The following RIBC2 variants were observed in gnomAD, a reference collection of about 807,000 sequenced individuals.
The protein encoded by RIBC2 is RIB43A domain with coiled-coils 2, also known as RIB43A-like with coiled-coils protein 2.
RIBC2 carries 40 observed loss-of-function variants against 44.3 expected under a neutral mutation model. That is an observed-to-expected ratio of 0.90 (90% CI 0.70 to 1.18). The LOEUF (loss-of-function observed/expected upper bound fraction) is 1.18. Ranked by LOEUF, RIBC2 falls within the 50% of genes most tolerant of loss-of-function variation. The pLI is 0.00. For missense variants in RIBC2, 459 were observed against 485.5 expected (o/e 0.95, Z 0.51); for synonymous variants, 171 against 175.0 (o/e 0.98, Z 0.18).
chr22:45,428,586 G>A lies in RIBC2; in HGVS notation c.904-2314G>A, dbSNP rs556365335. On this transcript the variant is annotated intron_variant, in intron 5 of 6. Transcript: ENST00000614167. ...GAGTCACGGGAAGGGGCATCAGGGC[G>A]GGAGCTTGCGGGTGAACAGAATTGA... is the stretch of plus-strand genomic sequence containing the variant. Among the ~76,000 whole-genome samples the A allele has an allele frequency of 5.9e-5, 9 of 152,278 alleles. No individual in the cohort carries two copies. In the East Asian group the frequency reaches 1.2e-3, roughly 20 times the overall value.
intron 1 of RIBC2, 138 bp downstream of exon 1, chr22:45,414,153 G>T: frequency 6.1e-6 from 9 of 1,479,236 alleles, no homozygotes; most frequent in Non-Finnish European, 7.2e-6. Context: ...GGCCAATAAT[G>T]CTCCCTCTCG....
At chr22:45,425,794 C>A (rs1213728299) in intron 4 of RIBC2, among the ~76,000 whole-genome samples, 154 bp from the exon 5 acceptor site, 4 of 152,146 alleles carry the variant, frequency 2.6e-5, no homozygotes, top group Admixed American at 2.6e-4. Context: ...AGGACCCACC[C>A]ACATCCGTGC....
Position 45,413,961 on chromosome 22 carries a change from C to A in RIBC2, c.75C>A (p.His25Gln). 3 of 1,551,668 alleles carry A rather than the reference C, an allele frequency of 1.9e-6. No individual in the cohort carries two copies. The highest frequency in any genetic ancestry group is 2.6e-6 in the Non-Finnish European group (3 of 1,146,982). The change falls in exon 1 of 7, where the codon CAC becomes CAA. Residue 25 changes from histidine to glutamine, a missense_variant. His to Gln is a conservative substitution (Grantham distance 24, BLOSUM62 0). Transcript: ENST00000614167. ...ACGCCAACCTGGCAAAGAGGAGGCA[C>A]GCGGAGCTGTGCAGGCAGAAGCGGG... Reference protein sequence around the residue: ...RQDANLAKRRHAELCRQKRVF... With the variant: ...RQDANLAKRRQAELCRQKRVF...
At chr22:45,419,509 A>C (rs2087457565) in intron 3 of RIBC2, among the ~76,000 whole-genome samples, 1 of 152,066 alleles carries the variant, frequency 6.6e-6, no homozygotes, top group African/African-American at 2.4e-5. Context: ...TGAGGAGGAA[A>C]GATCACTTGA....
chr22:45,418,595 AGAC>A (rs1193179755), intron 3 of RIBC2, among the ~76,000 whole-genome samples: 1 of 152,188 alleles, frequency 6.6e-6, no homozygotes, highest in African/African-American at 2.4e-5. Context: ...CGGGTAACGA[AGAC>A]GACAACATCC....
chr22:45,420,447 G>A (rs896600738), intron 3 of RIBC2, among the ~76,000 whole-genome samples: 10 of 152,116 alleles, frequency 6.6e-5, no homozygotes, highest in African/African-American at 2.2e-4. Context: ...GATCACTGAC[G>A]TGTTGTATGG....
chr22:45,426,951 CT>C (rs1428144355), intron 5 of RIBC2, among the ~76,000 whole-genome samples: 1 of 152,016 alleles, frequency 6.6e-6, no homozygotes. Flanking sequence ...TTAAAGGCGA[CT>C]CTAGGTCCTG....
rs1602124740 is a variant in RIBC2, at chr22:45,432,416, A to G, written c.*54A>G. The G allele has an allele frequency of 8.3e-7, 1 of 1,199,900 alleles. No individual in the cohort carries two copies. The highest frequency in any genetic ancestry group is 1.5e-5 in the African/African-American group (1 of 65,236). The allele number at this position is 1,199,900 out of a possible 1,614,324, so 74.3% of individuals were successfully genotyped here. A position where few individuals can be genotyped will look rare whatever the true frequency, so the allele number is the denominator to read the frequency against. On this transcript the variant is annotated 3_prime_UTR_variant, in exon 7 of 7. Transcript: ENST00000614167. ...CACGTATAAAGAGTGGCTACCTTAA[A>G]GAGTCACGTTTCTTTTTTAAAGATA...
chr22:45,430,307 T>C (rs1426734000), intron 5 of RIBC2, among the ~76,000 whole-genome samples: 2 of 152,214 alleles, frequency 1.3e-5, no homozygotes, highest in Non-Finnish European at 2.9e-5. Flanking sequence ...TACCCCTTCC[T>C]CCACACAAAT....
intron 3 of RIBC2, among the ~76,000 whole-genome samples, chr22:45,418,725 C>T (rs1374759931): frequency 6.6e-6 from 1 of 152,132 alleles, no homozygotes; most frequent in African/African-American, 2.4e-5. Flanking sequence ...CTCCTCTCTG[C>T]TTGTTAGTTT....
intron 4 of RIBC2, 122 bp downstream of exon 4, chr22:45,422,530 C>T (rs190804736): frequency 2.6e-5 from 19 of 742,382 alleles, no homozygotes; most frequent in African/African-American, 5.2e-5. Flanking sequence ...GTCACATGAC[C>T]GGCCCTGACA....
At chr22:45,418,214 C>T (rs572377211) in intron 3 of RIBC2, 51 of 283,748 alleles carry the variant, frequency 1.8e-4, no homozygotes, top group South Asian at 8.0e-4. Flanking sequence ...CTTTCCGTGT[C>T]GGGGTCCCAG....
intron 3 of RIBC2, among the ~76,000 whole-genome samples, chr22:45,418,523 T>A (rs1036383651): frequency 9.2e-5 from 14 of 152,140 alleles, no homozygotes; most frequent in Non-Finnish European, 1.8e-4. Context: ...CTCTCCCAGC[T>A]CCTCTTCATG....
At chr22:45,415,931 C>T (rs1240122008) in intron 2 of RIBC2, among the ~76,000 whole-genome samples, 3 of 152,204 alleles carry the variant, frequency 2.0e-5, no homozygotes, top group Non-Finnish European at 4.4e-5. Flanking sequence ...AACTCCTGAC[C>T]TCAGGTGATC....
In RIBC2 at chr22:45,422,424, G is replaced by A. The variant is rs777930655; in HGVS notation, c.675+16G>A. The A allele has an allele frequency of 2.2e-5, 34 of 1,579,970 alleles. No homozygotes were observed. The highest frequency in any genetic ancestry group is 5.0e-5 in the Admixed American group (3 of 59,960). On this transcript the variant is annotated intron_variant, in intron 4 of 6. Coordinates refer to ENST00000614167, the MANE Select transcript of RIBC2 (RefSeq NM_015653.5). Reference sequence around the variant, plus strand: ...CAAGAGCCAGGTATAGGTACTCCGCGACCTCGGGCTCGACGACTGGAGGGG... The same window carrying A: ...CAAGAGCCAGGTATAGGTACTCCGCAACCTCGGGCTCGACGACTGGAGGGG...
At position 45,417,711 on chromosome 22, in the gene RIBC2, G is replaced by A; in HGVS notation, c.321G>A (p.Gln107=). ...RAINDFQQSF[Q]KPETRREFDL... The stretch of plus-strand genomic sequence containing the variant: ...TCAATGACTTCCAACAGAGCTTTCA[G>A]AAGCCAGAAACTCGCCGTGAATTTG... Residue 107 remains glutamine (Q), a synonymous_variant, in exon 3 of 7, where the codon CAG becomes CAA. Transcript: ENST00000614167. The A allele has an allele frequency of 1.2e-6, 2 of 1,614,164 alleles. No homozygotes were observed. Among genetic ancestry groups the A allele is most frequent in the East Asian group, 2.2e-5 (1 of 44,894 alleles).
At chr22:45,414,488 CTTTTT>C in intron 2 of RIBC2, 85 bp downstream of exon 2, 1 of 701,254 alleles carries the variant, frequency 1.4e-6, no homozygotes, top group Non-Finnish European at 2.1e-6. Flanking sequence ...CCTGCCCCGC[CTTTTT>C]TTTTTTATTT....
At chr22:45,421,544 T>G (rs765115392) in intron 3 of RIBC2, among the ~76,000 whole-genome samples, 58,104 of 113,026 alleles carry the variant, frequency 0.51, 13,658 homozygotes, top group African/African-American at 0.7. Context: ...ATTAATAATA[T>G]TAATAATAAT....
At chr22:45,425,850 C>A in intron 4 of RIBC2, 98 bp from the exon 5 acceptor site, 1 of 1,011,850 alleles carries the variant, frequency 9.9e-7, no homozygotes, top group Non-Finnish European at 1.5e-6. Context: ...CTTAGCATAT[C>A]CTCCCCTCGA....
Sources: allele counts gnomAD v4.1 joint callset (sites outside exome capture counted in the v4.1 genomes callset), GRCh38; gene constraint gnomAD v4.1.1; transcripts MANE v1.5; gene names NCBI Gene and HGNC (gene_info 2026-07-23, HGNC 2026-07-21).